The following SNTG2 variants were observed in gnomAD, a reference collection of about 807,000 sequenced individuals.
The protein encoded by SNTG2 is syntrophin gamma 2, also known as gamma-2-syntrophin.
A neutral mutation model predicts 70.9 loss-of-function variants in SNTG2; 74 were observed. The ratio of observed to expected loss-of-function variants is 1.04; its 90% CI spans 0.86 to 1.27. The LOEUF (loss-of-function observed/expected upper bound fraction) is 1.27. SNTG2 is among the 50% of genes most tolerant of loss of function. The pLI is 0.00. For synonymous variants in SNTG2, 278 were observed against 273.8 expected, an observed-to-expected ratio of 1.02 and a Z score of -0.15; for missense variants, 717 against 690.7, an observed-to-expected ratio of 1.04 and a Z score of -0.43.
At chr2:1,258,946 A>T (rs1012310605) in intron 12 of SNTG2, among the ~76,000 whole-genome samples, 2 of 152,198 alleles carry the variant, frequency 1.3e-5, no homozygotes, top group East Asian at 3.9e-4. Context: ...TTTTCTGTCC[A>T]TTTTTGTACT....
In SNTG2 at chr2:1,237,955, C is replaced by A; in HGVS notation, c.787C>A (p.Gln263Lys). 1 of 1,609,776 alleles carries A rather than the reference C, an allele frequency of 6.2e-7. No individual in the cohort carries two copies. The highest frequency in any genetic ancestry group is 1.1e-5 in the South Asian group (1 of 89,602). ...TGGGATCCTCCGGTTTTACACAGCCCAGGATGGCACCGACTGGCTGCGGGC... is the reference window on the plus strand; with the variant it reads ...TGGGATCCTCCGGTTTTACACAGCCAAGGATGGCACCGACTGGCTGCGGGC... ...SSGILRFYTA[Q>K]DGTDWLRAVS... is the part of the protein sequence containing the mutation. The change falls in exon 10 of 17, where the codon CAG (glutamine) becomes AAG (lysine). Residue 263 changes from glutamine (Q) to lysine (K), a missense_variant. By Grantham distance (53) the Gln-to-Lys change is moderately conservative. Transcript: ENST00000308624.
At chr2:1,197,742 C>G (rs1188334351) in intron 8 of SNTG2, among the ~76,000 whole-genome samples, 1 of 151,832 alleles carries the variant, frequency 6.6e-6, no homozygotes, top group Non-Finnish European at 1.5e-5. Flanking sequence ...CCATGTTGCC[C>G]AGGATGGTGT....
intron 16 of SNTG2, among the ~76,000 whole-genome samples, chr2:1,358,905 G>A (rs1010849967): frequency 3.9e-5 from 6 of 152,070 alleles, no homozygotes; most frequent in African/African-American, 1.2e-4. Flanking sequence ...CTATCTGGTT[G>A]ATCTAAGACT....
intron 11 of SNTG2, among the ~76,000 whole-genome samples, chr2:1,245,009 A>C (rs1183840592): frequency 3.3e-5 from 5 of 151,700 alleles, no homozygotes; most frequent in Admixed American, 3.3e-4. Flanking sequence ...TTCTCAGTAA[A>C]CTATCGCAAG....
At chr2:1,284,346 G>A (rs576157144) in intron 14 of SNTG2, among the ~76,000 whole-genome samples, 4 of 152,180 alleles carry the variant, frequency 2.6e-5, no homozygotes, top group Non-Finnish European at 5.9e-5. Flanking sequence ...ATTCTGGCGG[G>A]TGCTGATAGG....
chr2:1,289,306 C>T (rs958791695), intron 14 of SNTG2, among the ~76,000 whole-genome samples: 2 of 151,994 alleles, frequency 1.3e-5, no homozygotes, highest in East Asian at 1.9e-4. Flanking sequence ...CTCCTTCTGC[C>T]GCCGCCCTTC....
At chr2:1,208,562 C>G (rs1046503813) in intron 8 of SNTG2, among the ~76,000 whole-genome samples, 3 of 152,078 alleles carry the variant, frequency 2.0e-5, no homozygotes, top group Non-Finnish European at 4.4e-5. Flanking sequence ...GCTCCTTCAC[C>G]TTCCCAGACG....
chr2:1,158,000 G>C (rs968069665), intron 6 of SNTG2, among the ~76,000 whole-genome samples: 64 of 152,340 alleles, frequency 4.2e-4, no homozygotes, highest in African/African-American at 1.5e-3. Context: ...CCGGCCGGCA[G>C]GTTTGGTACG....
chr2:1,155,090 C>T (rs1004013843), intron 6 of SNTG2, among the ~76,000 whole-genome samples: 3 of 150,114 alleles, frequency 2.0e-5, no homozygotes, highest in Non-Finnish European at 4.4e-5. Flanking sequence ...ACACACCATA[C>T]ATTAAACATA....
At chr2:1,174,289 C>CATATAT (rs10563978) in intron 8 of SNTG2, among the ~76,000 whole-genome samples, 21 of 149,286 alleles carry the variant, frequency 1.4e-4, no homozygotes, top group African/African-American at 4.4e-4. Context: ...AAGTTTTATC[C>CATATAT]ATATATATAT....
chr2:1,193,807 C>G (rs1240504067), intron 8 of SNTG2, among the ~76,000 whole-genome samples: 6 of 152,174 alleles, frequency 3.9e-5, no homozygotes, highest in Non-Finnish European at 7.4e-5. Context: ...TTTTAGATTC[C>G]TGACCACACT....
intron 1 of SNTG2, among the ~76,000 whole-genome samples, chr2:1,049,405 C>T (rs1026549498): frequency 2.0e-5 from 3 of 152,082 alleles, no homozygotes; most frequent in African/African-American, 4.8e-5. Context: ...TAGTTGGACT[C>T]GCACAATATG....
intron 8 of SNTG2, among the ~76,000 whole-genome samples, chr2:1,206,481 C>T (rs1558529350): frequency 6.6e-6 from 1 of 152,186 alleles, no homozygotes; most frequent in Non-Finnish European, 1.5e-5. Context: ...CTCCTTGGCC[C>T]TCAGTAGATG....
In SNTG2 at chr2:1,098,186, T is replaced by C; in HGVS notation, c.211-10T>C. ...CCTAAACTTGGTTTGTTTTCTAAAA[T>C]GTTTTAAAGCGCAGAACTGTTACAC... On this transcript the variant is annotated splice_polypyrimidine_tract_variant and intron_variant, in intron 2 of 16. Transcript: ENST00000308624. The C allele has an allele frequency of 1.2e-6, 2 of 1,613,552 alleles. No homozygotes were observed. Among genetic ancestry groups the C allele is most frequent in the Non-Finnish European group, 1.7e-6 (2 of 1,179,638 alleles).
intron 1 of SNTG2, among the ~76,000 whole-genome samples, chr2:1,069,065 T>C (rs946845080): frequency 6.6e-6 from 1 of 152,242 alleles, no homozygotes; most frequent in African/African-American, 2.4e-5. Flanking sequence ...TAGCTCTGTT[T>C]CCAGTCACAG....
At chr2:1,089,463 C>T (rs1412043155) in intron 2 of SNTG2, among the ~76,000 whole-genome samples, 1 of 152,086 alleles carries the variant, frequency 6.6e-6, no homozygotes, top group African/African-American at 2.4e-5. Flanking sequence ...GGTGAAACCC[C>T]GTTTCTACTA....
intron 12 of SNTG2, 151 bp from the exon 13 acceptor site, chr2:1,259,219 G>A: frequency 1.6e-6 from 1 of 644,940 alleles, no homozygotes; most frequent in South Asian, 2.0e-5. Flanking sequence ...ACTCACAGCA[G>A]TACGTAAAGT....
At chr2:1,318,816 G>A (rs1339161769) in intron 16 of SNTG2, among the ~76,000 whole-genome samples, 1 of 152,108 alleles carries the variant, frequency 6.6e-6, no homozygotes, top group Non-Finnish European at 1.5e-5. Flanking sequence ...CCTTAATCTT[G>A]TGGAGCTCTG....
At chr2:1,060,972 C>G (rs1008269993) in intron 1 of SNTG2, among the ~76,000 whole-genome samples, 4 of 152,064 alleles carry the variant, frequency 2.6e-5, no homozygotes, top group Non-Finnish European at 5.9e-5. Flanking sequence ...ACCAAGTGAT[C>G]AAAATTAACA....
Sources: allele counts gnomAD v4.1 joint callset (sites outside exome capture counted in the v4.1 genomes callset), GRCh38; gene constraint gnomAD v4.1.1; transcripts MANE v1.5; gene names NCBI Gene and HGNC (gene_info 2026-07-23, HGNC 2026-07-21).